The following ICA1L variants were observed in gnomAD, a reference collection of about 807,000 sequenced individuals.
ICA1L encodes islet cell autoantigen 1 like.
ICA1L carries 50 observed loss-of-function variants against 61.3 expected under a neutral mutation model. The ratio of observed to expected loss-of-function variants is 0.82; its 90% CI spans 0.65 to 1.03. The LOEUF (loss-of-function observed/expected upper bound fraction) is 1.03, where lower values mean the gene tolerates loss of function less well. ICA1L is among the 50% of genes least tolerant of loss of function. The pLI, the probability that ICA1L is intolerant of heterozygous loss-of-function variation, is 0.00. For missense variants in ICA1L, 508 were observed against 556.7 expected (o/e 0.91, Z 0.88); for synonymous variants, 161 against 191.3 (o/e 0.84, Z 1.31).
Position 202,814,860 on chromosome 2 carries a change from A to G in ICA1L, c.784-76T>C, listed in dbSNP as rs1011579540. 2.7e-5 allele frequency: 27 copies of G among 995,620 alleles called. No individual in the cohort carries two copies. The African/African-American group carries it at 3.7e-4, about 14-fold the overall frequency. 61.7% of individuals were successfully genotyped at this position (995,620 alleles called of 1,614,324 possible). On this transcript the variant is annotated intron_variant, in intron 7 of 12. Transcript: ENST00000358299. ...TTCTCTGCAAAGAAAATGAGAATATAAATTCTAAAGAACCATATGAAATAG... is the reference window on the plus strand; with the variant it reads ...TTCTCTGCAAAGAAAATGAGAATATGAATTCTAAAGAACCATATGAAATAG...
intron 10 of ICA1L, among the ~76,000 whole-genome samples, chr2:202,795,381 A>C (rs1215432237): frequency 6.6e-6 from 1 of 152,196 alleles, no homozygotes; most frequent in African/African-American, 2.4e-5. Context: ...AGATCACCTG[A>C]GGTCAGGAAT....
intron 12 of ICA1L, among the ~76,000 whole-genome samples, chr2:202,783,906 G>A (rs1156396948): frequency 2.0e-5 from 3 of 151,742 alleles, no homozygotes; most frequent in African/African-American, 7.3e-5. Context: ...GTATATGATG[G>A]GGGGGTGGGG....
chr2:202,829,010 G>A lies in ICA1L; in HGVS notation c.-1C>T. 6.4e-7 allele frequency: 1 copy of A among 1,567,174 alleles called. No homozygotes were observed. The highest frequency in any genetic ancestry group is 8.6e-7 in the Non-Finnish European group (1 of 1,162,438). On this transcript the variant is annotated 5_prime_UTR_variant, in exon 2 of 13. Transcript: ENST00000358299. ...GTCTGGGTTGCCCAAAGGAATCCAT[G>A]GAGTGACTACAATGAACAGACTAAA... is the stretch of plus-strand genomic sequence containing the variant.
intron 1 of ICA1L, among the ~76,000 whole-genome samples, chr2:202,834,350 C>T (rs1431225937): frequency 2.0e-5 from 3 of 152,038 alleles, no homozygotes; most frequent in Non-Finnish European, 4.4e-5. Context: ...GCATAGAGGC[C>T]GGGTGTGGTG....
intron 9 of ICA1L, among the ~76,000 whole-genome samples, chr2:202,804,971 T>C (rs1693185671): frequency 6.6e-6 from 1 of 152,232 alleles, no homozygotes; most frequent in Non-Finnish European, 1.5e-5. Context: ...TGAAATTGAA[T>C]GATAATGAAA....
At chr2:202,808,910 C>T (rs533836958) in intron 9 of ICA1L, among the ~76,000 whole-genome samples, 1 of 152,226 alleles carries the variant, frequency 6.6e-6, no homozygotes, top group South Asian at 2.1e-4. Flanking sequence ...AAAACTTTCC[C>T]AAGAAGGACA....
intron 2 of ICA1L, among the ~76,000 whole-genome samples, chr2:202,828,570 T>C (rs1276881172): frequency 1.3e-5 from 2 of 152,236 alleles, no homozygotes; most frequent in African/African-American, 4.8e-5. Context: ...ACTGGGAATG[T>C]AATCATTAAG....
chr2:202,811,013 C>T (rs369460856), intron 9 of ICA1L, among the ~76,000 whole-genome samples: 8 of 152,232 alleles, frequency 5.3e-5, no homozygotes, highest in African/African-American at 1.9e-4. Context: ...TTTAACTTCG[C>T]CCCTGTCCTG....
chr2:202,825,616 A>C, intron 3 of ICA1L, 79 bp downstream of exon 3: 1 of 1,336,898 alleles, frequency 7.5e-7, no homozygotes, highest in Non-Finnish European at 1.0e-6. Context: ...AATTGTTTTT[A>C]CATTAAATCT....
At chr2:202,862,934 C>T (rs991563787) in intron 1 of ICA1L, among the ~76,000 whole-genome samples, 5 of 151,792 alleles carry the variant, frequency 3.3e-5, no homozygotes, top group Non-Finnish European at 5.9e-5. Flanking sequence ...TAAAAACATA[C>T]CCACAGTTGT....
intron 1 of ICA1L, 43 bp from the exon 2 acceptor site, chr2:202,829,059 CAAT>C: frequency 6.7e-7 from 1 of 1,487,206 alleles, no homozygotes; most frequent in Non-Finnish European, 9.0e-7. Flanking sequence ...TAAAAATTCT[CAAT>C]AATAGGCTGG....
chr2:202,797,132 T>TTGTGTGTGTGTGTGTGTGTGTG (rs58006631), intron 9 of ICA1L, among the ~76,000 whole-genome samples, 168 bp from the exon 10 acceptor site: 14 of 147,726 alleles, frequency 9.5e-5, no homozygotes, highest in Non-Finnish European at 1.5e-4. Flanking sequence ...AAAATCACAT[T>TTGTGTGTGTGTGTGTGTGTGTG]TGTGTGTGTG....
chr2:202,797,498 T>C (rs1344706443), intron 9 of ICA1L, among the ~76,000 whole-genome samples: 1 of 152,250 alleles, frequency 6.6e-6, no homozygotes, highest in African/African-American at 2.4e-5. Flanking sequence ...ACATTTGTAT[T>C]GAACACTGCT....
chr2:202,828,978 T>C lies in ICA1L; in HGVS notation c.32A>G (p.Asp11Gly). The change falls in exon 2 of 13, where the codon GAT becomes GGT. Residue 11 changes from aspartate (D) to glycine (G), a missense_variant. Physicochemically the swap from Asp to Gly is moderately conservative, Grantham distance 94 (BLOSUM62 -1). Coordinates refer to ENST00000358299, the MANE Select transcript of ICA1L (RefSeq NM_001288622.3). The stretch of plus-strand genomic sequence containing the variant: ...CATTCTTCTGACTACTGACTGATTA[T>C]CTTCTGGTCTGGGTTGCCCAAAGGA... MDSFGQPRPE[D>G]NQSVVRRMQK... The C allele has an allele frequency of 6.2e-7, 1 of 1,602,124 alleles. No individual in the cohort carries two copies. Among genetic ancestry groups the C allele is most frequent in the South Asian group, 1.1e-5 (1 of 88,584 alleles).
intron 2 of ICA1L, among the ~76,000 whole-genome samples, chr2:202,826,527 A>G (rs1039887414): frequency 4.6e-5 from 7 of 152,140 alleles, no homozygotes; most frequent in African/African-American, 1.7e-4. Context: ...GCTGGAGTGC[A>G]GTGGTGCAAT....
At chr2:202,782,565 C>T (rs938432791) in intron 12 of ICA1L, among the ~76,000 whole-genome samples, 31 of 151,934 alleles carry the variant, frequency 2.0e-4, no homozygotes, top group African/African-American at 7.2e-4. Flanking sequence ...TGTGCCATCA[C>T]GCTCAGCTAA....
At chr2:202,779,810 T>G (rs574807500) in intron 12 of ICA1L, among the ~76,000 whole-genome samples, 162 bp from the exon 13 acceptor site, 14,734 of 151,348 alleles carry the variant, frequency 0.097, 828 homozygotes, top group Non-Finnish European at 0.13. Flanking sequence ...TTTTTTTTTT[T>G]TTTTTTTGTT....
intron 9 of ICA1L, among the ~76,000 whole-genome samples, chr2:202,804,554 G>A (rs1003083869): frequency 1.3e-5 from 2 of 151,968 alleles, no homozygotes; most frequent in Non-Finnish European, 2.9e-5. Context: ...AAGACTACAG[G>A]ACAAAGTTGA....
Position 202,776,048 on chromosome 2 carries a change from A to AC in ICA1L, c.*3484_*3485insG, listed in dbSNP as rs1692209084. ...AGCACATGTAAACTTCCTTCGTTCT[A>AC]ATGCTGTAAGACCTCTACATTTCTA... On this transcript the variant is annotated 3_prime_UTR_variant, in exon 13 of 13. Coordinates refer to ENST00000358299, the MANE Select transcript of ICA1L (RefSeq NM_001288622.3). 6.6e-6 allele frequency: 1 copy of AC among 152,228 alleles called. No individual in the cohort carries two copies. 9.4% of individuals were successfully genotyped at this position (152,228 alleles called of 1,614,324 possible).
Sources: gnomAD v4.1 joint callset for allele counts (sites outside exome capture counted in the v4.1 genomes callset) on GRCh38, gnomAD v4.1.1 for gene constraint, MANE v1.5 for transcripts, NCBI Gene and HGNC (gene_info 2026-07-23, HGNC 2026-07-21) for gene names.